AFAP1L1: variants seen among roughly 807,000 people sequenced by gnomAD.
The protein encoded by AFAP1L1 is actin filament associated protein 1 like 1.
AFAP1L1 carries 77 observed loss-of-function variants against 99.8 expected under a neutral mutation model. The ratio of observed to expected loss-of-function variants is 0.77; its 90% CI spans 0.64 to 0.93. The LOEUF (loss-of-function observed/expected upper bound fraction) is 0.93, where lower values mean the gene tolerates loss of function less well. Ranked by LOEUF, AFAP1L1 falls within the 40% of genes least tolerant of loss-of-function variation. The pLI is 0.00. For synonymous variants in AFAP1L1, 373 were observed against 395.3 expected, an observed-to-expected ratio of 0.94 and a Z score of 0.67; for missense variants, 893 against 996.8, an observed-to-expected ratio of 0.90 and a Z score of 1.40.
At chr5:149,297,098 A>G (rs896086586) in intron 1 of AFAP1L1, among the ~76,000 whole-genome samples, 25 of 152,220 alleles carry the variant, frequency 1.6e-4, no homozygotes, top group African/African-American at 5.3e-4. Context: ...GCCAAGCCAT[A>G]TCAGTGTGTC....
intron 3 of AFAP1L1, among the ~76,000 whole-genome samples, 159 bp from the exon 4 acceptor site, chr5:149,300,974 G>T (rs1172266249): frequency 6.6e-6 from 1 of 152,212 alleles, no homozygotes; most frequent in Admixed American, 6.5e-5. Flanking sequence ...ACGTACAGAT[G>T]AGTTTCAGAG....
intron 1 of AFAP1L1, among the ~76,000 whole-genome samples, chr5:149,285,331 C>A (rs957227929): frequency 9.9e-5 from 15 of 152,108 alleles, no homozygotes; most frequent in African/African-American, 3.4e-4. Context: ...ACAACCGCAG[C>A]AACATTAGTA....
intron 1 of AFAP1L1, among the ~76,000 whole-genome samples, chr5:149,275,378 G>A (rs1160950243): frequency 6.6e-6 from 1 of 152,248 alleles, no homozygotes; most frequent in South Asian, 2.1e-4. Flanking sequence ...TGGCTTGTAG[G>A]GACACTTTTT....
intron 5 of AFAP1L1, among the ~76,000 whole-genome samples, chr5:149,305,156 G>A (rs1430377536): frequency 2.0e-5 from 3 of 152,334 alleles, no homozygotes; most frequent in Non-Finnish European, 2.9e-5. Flanking sequence ...TGTGCCAGGC[G>A]CTGTCCTAAG....
At chr5:149,291,824 G>T (rs1360099490) in intron 1 of AFAP1L1, among the ~76,000 whole-genome samples, 1 of 152,086 alleles carries the variant, frequency 6.6e-6, no homozygotes, top group African/African-American at 2.4e-5. Flanking sequence ...ATGGAAATTG[G>T]GTCATTTTCC....
At chr5:149,311,843 G>A (rs569483754) in intron 8 of AFAP1L1, among the ~76,000 whole-genome samples, 8 of 152,336 alleles carry the variant, frequency 5.3e-5, no homozygotes, top group African/African-American at 1.7e-4. Context: ...CCCAGAGCAG[G>A]GAAGTGGCTC....
intron 1 of AFAP1L1, among the ~76,000 whole-genome samples, chr5:149,297,886 A>G (rs185375622): frequency 4.6e-5 from 7 of 152,374 alleles, no homozygotes; most frequent in African/African-American, 1.7e-4. Context: ...CTTCAGTGAC[A>G]GCAAGAATAG....
chr5:149,279,875 C>T (rs1013758801), intron 1 of AFAP1L1, among the ~76,000 whole-genome samples: 1 of 152,208 alleles, frequency 6.6e-6, no homozygotes, highest in African/African-American at 2.4e-5. Flanking sequence ...TCCCAATCTC[C>T]CAAGATACAT....
At position 149,302,426 on chromosome 5, in the gene AFAP1L1, C is replaced by A; in HGVS notation, c.336C>A (p.Asp112Glu). 1 of 1,584,560 alleles carries A rather than the reference C, an allele frequency of 6.3e-7. No homozygotes were observed. Among genetic ancestry groups the A allele is most frequent in the Non-Finnish European group, 8.6e-7 (1 of 1,165,414 alleles). Residue 112 changes from aspartate to glutamate, a missense_variant, in exon 5 of 19, where the codon GAC (aspartate) becomes GAA (glutamate). Physicochemically the swap from Asp to Glu is conservative, Grantham distance 45. Coordinates refer to ENST00000296721, the MANE Select transcript of AFAP1L1 (RefSeq NM_152406.4). ...TTTTTGTCCCCTTGCAGGCGGCCGA[C>A]CTGCCTCCACCGCTCCCCAACAAGC... ...AKSPRLRNAA[D>E]LPPPLPNKPP...
At chr5:149,318,084 C>A (rs777636264) in intron 12 of AFAP1L1, 144 bp downstream of exon 12, 7 of 928,904 alleles carry the variant, frequency 7.5e-6, no homozygotes, top group East Asian at 2.7e-5. Flanking sequence ...GTCAGGTGAC[C>A]CAAGTAGATT....
intron 1 of AFAP1L1, among the ~76,000 whole-genome samples, chr5:149,284,396 A>G (rs1473604612): frequency 2.0e-5 from 3 of 152,248 alleles, no homozygotes; most frequent in Non-Finnish European, 4.4e-5. Flanking sequence ...TCAACTGAAA[A>G]TGGAGATAAC....
chr5:149,319,698 C>T lies in AFAP1L1; in HGVS notation c.1596C>T (p.Ser532=), dbSNP rs556839333. 11 of 1,612,348 alleles carry T rather than the reference C, an allele frequency of 6.8e-6. No homozygotes were observed. In the East Asian group the frequency reaches 2.2e-4, roughly 33 times the overall value. Reference sequence around the variant, plus strand: ...ACGTGGATGTGGAGACCTTAACCAGCATCGTCAGTGCTGGGCGCAACTCCT... The same window carrying T: ...ACGTGGATGTGGAGACCTTAACCAGTATCGTCAGTGCTGGGCGCAACTCCT... ...YDYVDVETLT[S]IVSAGRNSFL... The change falls in exon 13 of 19, where the codon AGC becomes AGT. Residue 532 remains serine, a synonymous_variant. Coordinates refer to ENST00000296721, the MANE Select transcript of AFAP1L1 (RefSeq NM_152406.4).
In AFAP1L1 at chr5:149,302,468, CTATG is replaced by C; in HGVS notation, c.379_382del (p.Tyr127LysfsTer44). On this transcript the variant is annotated frameshift_variant, in exon 5 of 19. Coordinates refer to ENST00000296721, the MANE Select transcript of AFAP1L1 (RefSeq NM_152406.4). LOFTEE classifies it high-confidence loss of function. Reference sequence around the variant, plus strand: ...CCAACAAGCCTCCCCCTGAGGACTACTATGAAGAGGCCCTTCCTCTGGGACCCGG... The same window carrying C: ...CCAACAAGCCTCCCCCTGAGGACTACAAGAGGCCCTTCCTCTGGGACCCGG... The C allele has an allele frequency of 6.3e-7, 1 of 1,597,444 alleles. No homozygotes were observed. Among genetic ancestry groups the C allele is most frequent in the East Asian group, 2.3e-5 (1 of 44,398 alleles).
chr5:149,312,518 G>A, intron 9 of AFAP1L1: 1 of 411,584 alleles, frequency 2.4e-6, no homozygotes, highest in East Asian at 5.5e-5. Flanking sequence ...TAGAAAAAGA[G>A]GGTGTATAAT....
rs906307658 is a variant in AFAP1L1, at chr5:149,341,458, T to C, written c.*1428T>C. 1 of 152,238 alleles carries C rather than the reference T, an allele frequency of 6.6e-6. No individual in the cohort carries two copies. Among genetic ancestry groups the C allele is most frequent in the Admixed American group, 6.5e-5 (1 of 15,286 alleles). 9.4% of individuals were successfully genotyped at this position (152,238 alleles called of 1,614,324 possible). A position where few individuals can be genotyped will look rare whatever the true frequency, so the allele number is the denominator to read the frequency against. ...GACCTTGGGAAAGTCACTTGATTGC[T>C]CTGATTCTTGTTTTCCTTATCTGTG... is the stretch of plus-strand genomic sequence containing the variant. On this transcript the variant is annotated 3_prime_UTR_variant, in exon 19 of 19. Transcript: ENST00000296721.
At chr5:149,328,438 G>A (rs1341154964) in intron 15 of AFAP1L1, among the ~76,000 whole-genome samples, 1 of 152,080 alleles carries the variant, frequency 6.6e-6, no homozygotes, top group Non-Finnish European at 1.5e-5. Flanking sequence ...GTTTAACCTC[G>A]GCTCTGCCAC....
intron 11 of AFAP1L1, 72 bp from the exon 12 acceptor site, chr5:149,317,657 C>G: frequency 1.3e-6 from 2 of 1,535,736 alleles, no homozygotes; most frequent in Non-Finnish European, 1.8e-6. Flanking sequence ...CCAGCAGACA[C>G]ATGGAGCCGC....
chr5:149,301,600 G>A (rs1256191692), intron 4 of AFAP1L1, among the ~76,000 whole-genome samples: 1 of 152,060 alleles, frequency 6.6e-6, no homozygotes, highest in Non-Finnish European at 1.5e-5. Context: ...AAAAGCTCTG[G>A]ACCAGGAGTT....
chr5:149,299,583 C>A lies in AFAP1L1; in HGVS notation c.91C>A (p.Leu31Met). The A allele has an allele frequency of 6.2e-7, 1 of 1,614,188 alleles. No homozygotes were observed. Among genetic ancestry groups the A allele is most frequent in the Non-Finnish European group, 8.5e-7 (1 of 1,180,010 alleles). ...LDHEYLSDTT[L>M]EKKMAVASIL... The stretch of plus-strand genomic sequence containing the variant: ...CCACGAGTACCTCAGCGATACCACC[C>A]TGGAAAAGAAGATGGCCGTGGCCTC... The change falls in exon 2 of 19, where the codon CTG (leucine) becomes ATG (methionine). Residue 31 changes from leucine to methionine, a missense_variant. By Grantham distance (15) the Leu-to-Met change is conservative. Coordinates refer to ENST00000296721, the MANE Select transcript of AFAP1L1 (RefSeq NM_152406.4).
Sources: allele counts gnomAD v4.1 joint callset (sites outside exome capture counted in the v4.1 genomes callset), GRCh38; gene constraint gnomAD v4.1.1; transcripts MANE v1.5; gene names NCBI Gene and HGNC (gene_info 2026-07-23, HGNC 2026-07-21).